The following NOL10 variants were observed in gnomAD, a reference collection of about 807,000 sequenced individuals.
The protein encoded by NOL10 is H_NH0074G24.1.
In NOL10, 58 loss-of-function variants were observed where a neutral mutation model predicts 103.5. The ratio of observed to expected loss-of-function variants is 0.56; its 90% CI spans 0.45 to 0.70. The LOEUF (loss-of-function observed/expected upper bound fraction) is 0.70, where lower values mean the gene tolerates loss of function less well. Ranked by LOEUF, NOL10 falls within the 30% of genes least tolerant of loss-of-function variation. The probability of loss-of-function intolerance (pLI) is 0.00; values close to 1 mark genes in which losing one functional copy is unlikely to be tolerated. For synonymous variants in NOL10, 287 were observed against 282.5 expected (o/e 1.02, Z -0.16); for missense variants, 763 against 807.3 (o/e 0.95, Z 0.67).
chr2:10,674,520 G>A (rs1198891209), intron 4 of NOL10, among the ~76,000 whole-genome samples: 1 of 152,176 alleles, frequency 6.6e-6, no homozygotes, highest in Non-Finnish European at 1.5e-5. Context: ...GCAAAGGGGA[G>A]ATTTATAATC....
chr2:10,657,388 T>TAGTA (rs996396794), intron 11 of NOL10, among the ~76,000 whole-genome samples: 6 of 152,124 alleles, frequency 3.9e-5, no homozygotes, highest in African/African-American at 1.4e-4. Flanking sequence ...GAAGGATAAT[T>TAGTA]AGTAGCTCTG....
At chr2:10,633,740 G>A (rs1677999525) in intron 13 of NOL10, among the ~76,000 whole-genome samples, 1 of 151,876 alleles carries the variant, frequency 6.6e-6, no homozygotes, top group African/African-American at 2.4e-5. Flanking sequence ...CCACTGGAAG[G>A]TTTTAAGCAG....
intron 4 of NOL10, among the ~76,000 whole-genome samples, chr2:10,674,020 T>C (rs771184150): frequency 6.6e-6 from 1 of 150,700 alleles, no homozygotes; most frequent in Non-Finnish European, 1.5e-5. Flanking sequence ...AACAAAGATA[T>C]AGTAAGACCC....
At chr2:10,583,484 G>A (rs1241397512) in intron 19 of NOL10, among the ~76,000 whole-genome samples, 1 of 152,146 alleles carries the variant, frequency 6.6e-6, no homozygotes, top group Non-Finnish European at 1.5e-5. Flanking sequence ...CACTGCCATT[G>A]GTTTACTGAA....
At chr2:10,613,952 TCCC>T (rs1434858494) in intron 13 of NOL10, among the ~76,000 whole-genome samples, 2 of 136,266 alleles carry the variant, frequency 1.5e-5, no homozygotes, top group Admixed American at 1.5e-4. Flanking sequence ...AGGGTTTTTA[TCCC>T]CCATTAGAAT....
At chr2:10,603,003 G>C (rs1676060935) in intron 15 of NOL10, 75 bp downstream of exon 15, 4 of 1,285,488 alleles carry the variant, frequency 3.1e-6, no homozygotes, top group Middle Eastern at 1.8e-4. Flanking sequence ...ATTTATGAAA[G>C]TGCGAGTAGT....
intron 17 of NOL10, among the ~76,000 whole-genome samples, chr2:10,594,129 C>A (rs752492871): frequency 7.3e-6 from 1 of 136,712 alleles, no homozygotes; most frequent in African/African-American, 2.6e-5. Flanking sequence ...AACTTCTAGA[C>A]TGAGATGGGC....
intron 13 of NOL10, among the ~76,000 whole-genome samples, chr2:10,613,435 C>T (rs1277144904): frequency 2.0e-5 from 3 of 152,146 alleles, no homozygotes; most frequent in African/African-American, 7.2e-5. Flanking sequence ...TTAAAAGGTT[C>T]TAGGAAGCCC....
intron 17 of NOL10, among the ~76,000 whole-genome samples, chr2:10,591,910 G>A (rs542989586): frequency 3.3e-5 from 5 of 152,182 alleles, no homozygotes; most frequent in East Asian, 1.9e-4. Flanking sequence ...GGCTGAGGTA[G>A]GAGGATCGCT....
At chr2:10,640,888 C>G (rs1277325027) in intron 13 of NOL10, among the ~76,000 whole-genome samples, 1 of 152,180 alleles carries the variant, frequency 6.6e-6, no homozygotes, top group Non-Finnish European at 1.5e-5. Flanking sequence ...AAACCAGGAA[C>G]CAATTTGTAT....
chr2:10,659,164 A>G lies in NOL10; in HGVS notation c.756+8T>C. On this transcript the variant is annotated splice_region_variant and intron_variant, in intron 10 of 20. Coordinates refer to ENST00000381685, the MANE Select transcript of NOL10 (RefSeq NM_024894.4). ...CTTACATGTGGTTTCCAAATTAAAC[A>G]TATTTACCTGCCCTGTGGTTGTTCC... The G allele has an allele frequency of 6.3e-7, 1 of 1,584,460 alleles. No homozygotes were observed. Among genetic ancestry groups the G allele is most frequent in the Non-Finnish European group, 8.6e-7 (1 of 1,161,040 alleles).
intron 19 of NOL10, among the ~76,000 whole-genome samples, chr2:10,584,975 C>T (rs570486701): frequency 1.3e-5 from 2 of 152,202 alleles, no homozygotes; most frequent in Admixed American, 1.3e-4. Context: ...CCGCCTACCC[C>T]CAAATCACAG....
At chr2:10,660,955 A>T (rs1572397369) in intron 9 of NOL10, among the ~76,000 whole-genome samples, 1 of 152,192 alleles carries the variant, frequency 6.6e-6, no homozygotes, top group South Asian at 2.1e-4. Flanking sequence ...AAAAAAAGTA[A>T]AATTACCTAA....
intron 17 of NOL10, among the ~76,000 whole-genome samples, chr2:10,592,663 T>A (rs1417153220): frequency 6.6e-6 from 1 of 152,242 alleles, no homozygotes; most frequent in African/African-American, 2.4e-5. Context: ...AAAGTAATAA[T>A]CATATTTAAT....
Position 10,681,983 on chromosome 2 carries a change from T to A in NOL10, c.199A>T (p.Ile67Phe). The A allele has an allele frequency of 6.9e-7, 1 of 1,442,904 alleles. No individual in the cohort carries two copies. Among genetic ancestry groups the A allele is most frequent in the South Asian group, 1.7e-5 (1 of 59,604 alleles). 89.4% of individuals were successfully genotyped at this position (1,442,904 alleles called of 1,614,324 possible). ...AAAAGATGCTTACCAGTTGCTAAAATGTACTGTCCATCTTTTGACACCTTA... is the reference window on the plus strand; with the variant it reads ...AAAAGATGCTTACCAGTTGCTAAAAAGTACTGTCCATCTTTTGACACCTTA... The part of the protein sequence containing the change: ...TIKVSKDGQY[I>F]LATGTYKPRV... The change falls in exon 3 of 21, where the codon ATT (isoleucine) becomes TTT (phenylalanine). Residue 67 changes from isoleucine (I) to phenylalanine (F), a missense_variant. Physicochemically the swap from Ile to Phe is conservative, Grantham distance 21. Transcript: ENST00000381685.
At chr2:10,649,565 A>G (rs755747829) in intron 12 of NOL10, among the ~76,000 whole-genome samples, 1 of 152,010 alleles carries the variant, frequency 6.6e-6, no homozygotes, top group Non-Finnish European at 1.5e-5. Context: ...AGTGATCTGC[A>G]TGCCTCGGCC....
At chr2:10,591,549 C>T (rs1156754615) in intron 17 of NOL10, among the ~76,000 whole-genome samples, 1 of 151,716 alleles carries the variant, frequency 6.6e-6, no homozygotes, top group African/African-American at 2.4e-5. Flanking sequence ...ATTTTAAATA[C>T]CATGACTGTT....
chr2:10,581,926 G>C (rs1361770825), intron 19 of NOL10, among the ~76,000 whole-genome samples: 1 of 152,172 alleles, frequency 6.6e-6, no homozygotes, highest in Non-Finnish European at 1.5e-5. Flanking sequence ...TTTTAAAAGA[G>C]AGAAGTGTGG....
At chr2:10,626,377 G>T (rs965260889) in intron 13 of NOL10, among the ~76,000 whole-genome samples, 1 of 152,146 alleles carries the variant, frequency 6.6e-6, no homozygotes, top group African/African-American at 2.4e-5. Flanking sequence ...AGAAACTTAC[G>T]TTGGGATTTG....
Sources: gnomAD v4.1 joint callset for allele counts (sites outside exome capture counted in the v4.1 genomes callset) on GRCh38, gnomAD v4.1.1 for gene constraint, MANE v1.5 for transcripts, NCBI Gene and HGNC (gene_info 2026-07-23, HGNC 2026-07-21) for gene names.